Variants in BSPRY observed in about 807,000 individuals in gnomAD.
BSPRY encodes B box and SPRY domain-containing protein.
A neutral mutation model predicts 38.0 loss-of-function variants in BSPRY; 33 were observed. That is an observed-to-expected ratio of 0.87 (90% confidence interval 0.66 to 1.16). The LOEUF (loss-of-function observed/expected upper bound fraction) is 1.16. Among genes scored for constraint, BSPRY ranks in the 50% most tolerant of loss-of-function variants. The probability of loss-of-function intolerance (pLI) is 0.00; values close to 1 mark genes in which losing one functional copy is unlikely to be tolerated. For missense variants in BSPRY, 523 were observed against 533.2 expected, an observed-to-expected ratio of 0.98 and a Z score of 0.19; for synonymous variants, 224 against 228.5, an observed-to-expected ratio of 0.98 and a Z score of 0.18.
Position 113,349,608 on chromosome 9 carries a change from C to T in BSPRY, c.29C>T (p.Pro10Leu), listed in dbSNP as rs746167046. The T allele has an allele frequency of 7.6e-6, 9 of 1,190,942 alleles. No homozygotes were observed. The East Asian group carries it at 1.1e-4, about 14-fold the overall frequency. The allele number at this position is 1,190,942 out of a possible 1,614,324, so 73.8% of individuals were successfully genotyped here. A position where few individuals can be genotyped will look rare whatever the true frequency, so the allele number is the denominator to read the frequency against. Residue 10 changes from proline to leucine, a missense_variant, in exon 1 of 6, where the codon CCG becomes CTG. Pro to Leu is a moderately conservative substitution (Grantham distance 98, BLOSUM62 -3). Transcript: ENST00000374183. ...TCCGCCGAGGGCGCGGAGCCGGGGCCGGGGTCCGGGTCCGGGCCCGGGCCG... is the reference window on the plus strand; with the variant it reads ...TCCGCCGAGGGCGCGGAGCCGGGGCTGGGGTCCGGGTCCGGGCCCGGGCCG... Reference protein sequence around the residue: MSAEGAEPGPGSGSGPGPGP... With the variant: MSAEGAEPGLGSGSGPGPGP...
chr9:113,349,672 G>A lies in BSPRY; in HGVS notation c.93G>A (p.Trp31Ter), dbSNP rs1256290277. Residue 31 changes from tryptophan (W) to a stop codon, truncating the protein, a stop_gained, in exon 1 of 6, where the codon TGG becomes TGA. Coordinates refer to ENST00000374183, the MANE Select transcript of BSPRY (RefSeq NM_017688.3). LOFTEE classifies it high-confidence loss of function. The part of the protein sequence containing the change: ...LCPEHGQALS[W>*]FCGSERRPVC... ...CCGAACACGGCCAGGCTCTGAGCTG[G>A]TTCTGCGGCTCCGAGCGACGGCCCG... 1 of 1,242,990 alleles carries A rather than the reference G, an allele frequency of 8.0e-7. No individual in the cohort carries two copies. The highest frequency in any genetic ancestry group is 1.0e-6 in the Non-Finnish European group (1 of 992,562). 77.0% of individuals were successfully genotyped at this position (1,242,990 alleles called of 1,614,324 possible).
intron 1 of BSPRY, 83 bp downstream of exon 1, chr9:113,349,863 T>TG: frequency 8.4e-7 from 1 of 1,195,354 alleles, no homozygotes; most frequent in Non-Finnish European, 1.0e-6. Flanking sequence ...CTGGGGAGCC[T>TG]GGGGCTGGGC....
At chr9:113,367,632 C>G (rs1033436199) in intron 4 of BSPRY, among the ~76,000 whole-genome samples, 1 of 152,202 alleles carries the variant, frequency 6.6e-6, no homozygotes, top group African/African-American at 2.4e-5. Flanking sequence ...AGCCCCAGCT[C>G]TGCCATTAAC....
chr9:113,365,685 T>G, intron 4 of BSPRY, among the ~76,000 whole-genome samples: 1 of 150,264 alleles, frequency 6.7e-6, no homozygotes, highest in South Asian at 2.1e-4. Context: ...TAGGCCTCAC[T>G]CAGCTCACTC....
chr9:113,368,999 T>C (rs1834296809), intron 5 of BSPRY, among the ~76,000 whole-genome samples: 1 of 152,134 alleles, frequency 6.6e-6, no homozygotes, highest in South Asian at 2.1e-4. Context: ...TTTTTTTTTT[T>C]TTTCAGTTTT....
At position 113,368,332 on chromosome 9, in the gene BSPRY, A is replaced by G. The variant is rs1253073357; in HGVS notation, c.631A>G (p.Ser211Gly). The change falls in exon 5 of 6, where the codon AGC (serine) becomes GGC (glycine). Residue 211 changes from serine to glycine, a missense_variant. Physicochemically the swap from Ser to Gly is moderately conservative, Grantham distance 56. Coordinates refer to ENST00000374183, the MANE Select transcript of BSPRY (RefSeq NM_017688.3). The stretch of plus-strand genomic sequence containing the variant: ...AAACTTTAATGAGAAGTGCACTCGG[A>G]GCCCACTACTGACCCAACTCTGGGC... ...MLNFNEKCTR[S>G]PLLTQLWATA... 1.9e-6 allele frequency: 3 copies of G among 1,614,150 alleles called. No homozygotes were observed. The highest frequency in any genetic ancestry group is 2.5e-6 in the Non-Finnish European group (3 of 1,180,020).
chr9:113,362,497 G>A (rs766499041), intron 4 of BSPRY, 103 bp downstream of exon 4: 1 of 1,269,148 alleles, frequency 7.9e-7, no homozygotes. Flanking sequence ...AATGCACAGG[G>A]TGTGCAGCTG....
At chr9:113,368,187 T>A (rs749861742) in intron 4 of BSPRY, 72 bp from the exon 5 acceptor site, 125 of 1,572,712 alleles carry the variant, frequency 7.9e-5, no homozygotes, top group Non-Finnish European at 1.0e-4. Context: ...TGTTCTTCTC[T>A]TCACCCCATA....
intron 1 of BSPRY, among the ~76,000 whole-genome samples, chr9:113,353,327 A>C (rs1246496333): frequency 3.3e-5 from 5 of 152,194 alleles, no homozygotes; most frequent in Admixed American, 3.3e-4. Context: ...TCAAGGCTGC[A>C]GTGAGTCTTG....
intron 4 of BSPRY, among the ~76,000 whole-genome samples, chr9:113,365,802 C>CTTTTT (rs139762130): frequency 3.7e-5 from 4 of 106,732 alleles, no homozygotes; most frequent in Admixed American, 1.1e-4. Flanking sequence ...GTCACAGCTT[C>CTTTTT]TTTTTTTTTT....
intron 3 of BSPRY, among the ~76,000 whole-genome samples, 198 bp from the exon 4 acceptor site, chr9:113,362,171 A>ATGGG (rs1008525155): frequency 3.8e-4 from 48 of 125,136 alleles, no homozygotes; most frequent in Admixed American, 2.1e-3. Flanking sequence ...AGCATGTGTT[A>ATGGG]TGGGTGTGTG....
rs1379425812 is a variant in BSPRY at position 113,360,637 on chromosome 9, T to C, written c.431T>C (p.Leu144Pro). 6.2e-7 allele frequency: 1 copy of C among 1,609,460 alleles called. No individual in the cohort carries two copies. The highest frequency in any genetic ancestry group is 8.5e-7 in the Non-Finnish European group (1 of 1,178,896). The change falls in exon 3 of 6, where the codon CTG becomes CCG. Residue 144 changes from leucine to proline, a missense_variant. Leu to Pro is a moderately conservative substitution (Grantham distance 98). Coordinates refer to ENST00000374183, the MANE Select transcript of BSPRY (RefSeq NM_017688.3). Reference protein sequence around the residue: ...GEEERAHQSILTQRVHWAEAL... With the variant: ...GEEERAHQSIPTQRVHWAEAL... ...GAGGAGCGGGCCCACCAGAGCATCC[T>C]GACACAGCGGGTGCACTGGGCCGAG...
chr9:113,354,410 G>C, intron 2 of BSPRY, 72 bp downstream of exon 2: 1 of 1,278,354 alleles, frequency 7.8e-7, no homozygotes, highest in African/African-American at 1.5e-5. Context: ...ACTTGGGCAA[G>C]TCTAGGGTCC....
chr9:113,367,371 G>T (rs1588068984), intron 4 of BSPRY, among the ~76,000 whole-genome samples: 1 of 152,190 alleles, frequency 6.6e-6, no homozygotes, highest in Admixed American at 6.5e-5. Context: ...GAGCTGAGGG[G>T]AGAGTTATTG....
chr9:113,354,425 C>T, intron 2 of BSPRY, 87 bp downstream of exon 2: 1 of 1,003,720 alleles, frequency 1.0e-6, no homozygotes, highest in Non-Finnish European at 1.5e-6. Flanking sequence ...GGGTCCCTTA[C>T]CAACCTCACA....
intron 1 of BSPRY, among the ~76,000 whole-genome samples, chr9:113,352,672 G>A (rs762615006): frequency 7.2e-5 from 11 of 152,228 alleles, no homozygotes; most frequent in Non-Finnish European, 1.3e-4. Context: ...GAAGCCTGAT[G>A]TCATTGTGAG....
At chr9:113,364,512 TTTTATTCAAATGATTCA>T (rs1490508104) in intron 4 of BSPRY, among the ~76,000 whole-genome samples, 1 of 152,190 alleles carries the variant, frequency 6.6e-6, no homozygotes, top group East Asian at 1.9e-4. Context: ...ATCTTTAATT[TTTTATTCAAATGATTCA>T]TTTATTCAAA....
At chr9:113,353,671 C>T (rs1166527957) in intron 1 of BSPRY, among the ~76,000 whole-genome samples, 1 of 151,988 alleles carries the variant, frequency 6.6e-6, no homozygotes, top group African/African-American at 2.4e-5. Flanking sequence ...CCACTGCACT[C>T]CAGCCTGGGC....
At chr9:113,368,404 G>A in intron 5 of BSPRY, 21 bp downstream of exon 5, 1 of 1,609,044 alleles carries the variant, frequency 6.2e-7, no homozygotes, top group Non-Finnish European at 8.5e-7. Flanking sequence ...GTAGAGCCCA[G>A]GACCATTAGG....
Sources: allele counts gnomAD v4.1 joint callset (sites outside exome capture counted in the v4.1 genomes callset), GRCh38; gene constraint gnomAD v4.1.1; transcripts MANE v1.5; gene names NCBI Gene and HGNC (gene_info 2026-07-23, HGNC 2026-07-21).